The following ATXN1 variants were observed in gnomAD, a reference collection of about 807,000 sequenced individuals.
ATXN1 encodes the protein ataxin 1, also known as ataxin-1.
In ATXN1, 8 loss-of-function variants were observed where a neutral mutation model predicts 56.4. That is an observed-to-expected ratio of 0.14 (90% confidence interval 0.08 to 0.26). The LOEUF (loss-of-function observed/expected upper bound fraction) is 0.26. ATXN1 is among the 10% of genes least tolerant of loss of function. The probability of loss-of-function intolerance (pLI) is 1.00; values close to 1 mark genes in which losing one functional copy is unlikely to be tolerated. For missense variants in ATXN1, 987 were observed against 1,106.5 expected (o/e 0.89, Z 1.53); for synonymous variants, 514 against 494.6 (o/e 1.04, Z -0.52).
At chr6:16,493,904 T>G (rs1760721167) in intron 5 of ATXN1, among the ~76,000 whole-genome samples, 1 of 152,222 alleles carries the variant, frequency 6.6e-6, no homozygotes, top group South Asian at 2.1e-4. Flanking sequence ...CTCTTTGTAT[T>G]TCCTTTCTGA....
chr6:16,619,633 T>C (rs1204547784), intron 3 of ATXN1, among the ~76,000 whole-genome samples: 1 of 152,236 alleles, frequency 6.6e-6, no homozygotes, highest in Non-Finnish European at 1.5e-5. Flanking sequence ...TGATCTGCTC[T>C]GCATTCTTTT....
chr6:16,552,007 C>T (rs1761928017), intron 4 of ATXN1, among the ~76,000 whole-genome samples: 1 of 152,192 alleles, frequency 6.6e-6, no homozygotes, highest in Non-Finnish European at 1.5e-5. Context: ...CAAGATGCAC[C>T]TGTGTGCGTA....
chr6:16,601,666 C>T lies in ATXN1; in HGVS notation c.-488-15759G>A, dbSNP rs534223242. ...GAGATCGAGACCATCCTGGCTAACA[C>T]GGTGAAACCCCATCTCTACTAAAAA... On this transcript the variant is annotated intron_variant, in intron 3 of 7. Coordinates refer to ENST00000436367, the MANE Select transcript of ATXN1 (RefSeq NM_001128164.2). 1.6e-4 allele frequency among the ~76,000 whole-genome samples: 24 copies of T among 152,150 alleles called. No individual in the cohort carries two copies. In the South Asian group the frequency reaches 2.3e-3, roughly 14 times the overall value.
intron 7 of ATXN1, among the ~76,000 whole-genome samples, chr6:16,307,643 T>C (rs1371089745): frequency 6.8e-6 from 1 of 147,078 alleles, no homozygotes; most frequent in Non-Finnish European, 1.5e-5. Context: ...CACTGGGCGA[T>C]CCAGCCTGGG....
chr6:16,636,431 G>T (rs1763598542), intron 3 of ATXN1, among the ~76,000 whole-genome samples: 1 of 152,164 alleles, frequency 6.6e-6, no homozygotes, highest in African/African-American at 2.4e-5. Flanking sequence ...GAGTCATCAG[G>T]ATGAGCTTTG....
intron 3 of ATXN1, among the ~76,000 whole-genome samples, chr6:16,620,896 G>A (rs947592541): frequency 2.0e-5 from 3 of 152,168 alleles, no homozygotes; most frequent in African/African-American, 7.2e-5. Context: ...AGAACTCTCT[G>A]GGGCCCTTTC....
At chr6:16,404,803 C>T (rs777950279) in intron 6 of ATXN1, among the ~76,000 whole-genome samples, 46 of 152,104 alleles carry the variant, frequency 3.0e-4, no homozygotes, top group Admixed American at 1.6e-3. Flanking sequence ...CCTGGGAGTC[C>T]GACTGAGAGC....
chr6:16,608,383 A>T (rs527976801), intron 3 of ATXN1, among the ~76,000 whole-genome samples: 1 of 152,222 alleles, frequency 6.6e-6, no homozygotes, highest in African/African-American at 2.4e-5. Context: ...CCCTCTGCCC[A>T]TGCACACTTG....
At chr6:16,541,799 C>T (rs970439145) in intron 4 of ATXN1, among the ~76,000 whole-genome samples, 2 of 152,268 alleles carry the variant, frequency 1.3e-5, no homozygotes, top group East Asian at 1.9e-4. Flanking sequence ...ATTTAATGAA[C>T]ACGGAAATTG....
Position 16,306,540 on chromosome 6 carries a change from A to T in ATXN1, c.2237T>A (p.Phe746Tyr). The T allele has an allele frequency of 6.2e-7, 1 of 1,614,120 alleles. No individual in the cohort carries two copies. Among genetic ancestry groups the T allele is most frequent in the Non-Finnish European group, 8.5e-7 (1 of 1,180,024 alleles). ...QMLSENGELK[F>Y]PEKMGLPAAP... ...TGCAGGCAATCCCATTTTCTCTGGA[A>T]ACTTCAGTTCGCCATTCTCAGAGAG... The change falls in exon 8 of 8, where the codon TTT becomes TAT. Residue 746 changes from phenylalanine (F) to tyrosine (Y), a missense_variant. By Grantham distance (22) the Phe-to-Tyr change is conservative. Around this residue, in one of 3 missense-constraint regions of ATXN1, gnomAD observed 196 missense variants for 196.7 expected, o/e 1.00. Transcript: ENST00000436367. The surrounding 1 kb of genome is among the most constrained non-coding windows in gnomAD (Gnocchi z 5.2).
intron 2 of ATXN1, among the ~76,000 whole-genome samples, chr6:16,750,681 T>C (rs930005141): frequency 3.3e-5 from 5 of 152,218 alleles, no homozygotes; most frequent in African/African-American, 1.2e-4. Context: ...TATAAAAACC[T>C]AGGTCTCTTC....
chr6:16,743,798 A>G (rs994194069), intron 2 of ATXN1, among the ~76,000 whole-genome samples: 2 of 152,214 alleles, frequency 1.3e-5, no homozygotes, highest in Non-Finnish European at 2.9e-5. Context: ...CTAAGGAGGA[A>G]GAACAACATG....
At chr6:16,731,638 C>T (rs988791686) in intron 2 of ATXN1, among the ~76,000 whole-genome samples, 5 of 151,876 alleles carry the variant, frequency 3.3e-5, no homozygotes, top group Non-Finnish European at 5.9e-5. Flanking sequence ...TCTGCTACCA[C>T]ACTAGAAGAT....
chr6:16,350,727 G>T (rs556988455), intron 6 of ATXN1, among the ~76,000 whole-genome samples: 1 of 152,152 alleles, frequency 6.6e-6, no homozygotes, highest in Non-Finnish European at 1.5e-5. Flanking sequence ...CCCTATTTGT[G>T]GGGAGGGAAG....
chr6:16,652,499 T>G (rs964562738), intron 3 of ATXN1, among the ~76,000 whole-genome samples: 2 of 152,294 alleles, frequency 1.3e-5, no homozygotes, highest in Non-Finnish European at 1.5e-5. Flanking sequence ...ACTAAAGACC[T>G]CCAAAACAGA....
intron 3 of ATXN1, among the ~76,000 whole-genome samples, chr6:16,631,662 CT>C (rs1763505532): frequency 6.6e-6 from 1 of 152,208 alleles, no homozygotes; most frequent in African/African-American, 2.4e-5. Flanking sequence ...AGGACTCTCC[CT>C]TCTTTAGTTC....
chr6:16,753,059 G>C (rs1259944578), intron 2 of ATXN1, 174 bp downstream of exon 2: 2 of 349,506 alleles, frequency 5.7e-6, no homozygotes, highest in Non-Finnish European at 1.1e-5. Flanking sequence ...TTTAATCGAA[G>C]TTTTAAAAAA....
At chr6:16,730,094 C>A (rs1318751394) in intron 2 of ATXN1, among the ~76,000 whole-genome samples, 1 of 152,186 alleles carries the variant, frequency 6.6e-6, no homozygotes, top group Non-Finnish European at 1.5e-5. Flanking sequence ...ACCAGCCTGA[C>A]CAACACGGTG....
At chr6:16,465,631 G>A (rs1303611798) in intron 6 of ATXN1, among the ~76,000 whole-genome samples, 1 of 152,124 alleles carries the variant, frequency 6.6e-6, no homozygotes, top group Non-Finnish European at 1.5e-5. Flanking sequence ...GAATGCATGG[G>A]GAAGAGTAGT....
Sources: allele counts gnomAD v4.1 joint callset (sites outside exome capture counted in the v4.1 genomes callset), GRCh38; gene constraint gnomAD v4.1.1; regional missense constraint gnomAD v4.1.1; non-coding constraint Gnocchi (gnomAD v3.1); transcripts MANE v1.5; gene names NCBI Gene and HGNC (gene_info 2026-07-23, HGNC 2026-07-21).